Variants in HECW2 observed in about 807,000 individuals in gnomAD.
HECW2 encodes the protein E3 ubiquitin-protein ligase HECW2.
A neutral mutation model predicts 175.2 loss-of-function variants in HECW2; 61 were observed. The observed-to-expected ratio is 0.35, with a 90% confidence interval of 0.28 to 0.43. The LOEUF is 0.43. Among genes scored for constraint, HECW2 ranks in the 20% least tolerant of loss-of-function variants. The pLI, the probability that HECW2 is intolerant of heterozygous loss-of-function variation, is 1.00. For missense variants in HECW2, 1,524 were observed against 2,000.5 expected, an observed-to-expected ratio of 0.76 and a Z score of 4.54; for synonymous variants, 671 against 731.0, an observed-to-expected ratio of 0.92 and a Z score of 1.32.
intron 1 of HECW2, among the ~76,000 whole-genome samples, chr2:196,581,516 A>G (rs1690783899): frequency 1.3e-5 from 2 of 152,304 alleles, no homozygotes; most frequent in South Asian, 4.1e-4. Context: ...CCTGGACGAT[A>G]CAGTGAGACT....
chr2:196,584,398 G>T (rs1022816674), intron 1 of HECW2, among the ~76,000 whole-genome samples: 3 of 152,100 alleles, frequency 2.0e-5, no homozygotes, highest in Non-Finnish European at 4.4e-5. Context: ...TAAAAACACT[G>T]AAGAGATATT....
intron 1 of HECW2, among the ~76,000 whole-genome samples, chr2:196,538,147 T>C (rs1689082794): frequency 6.6e-6 from 1 of 152,154 alleles, no homozygotes; most frequent in South Asian, 2.1e-4. Context: ...CTTACAAAGA[T>C]TGCTCCCCTG....
At chr2:196,410,996 C>T (rs1695093792) in intron 2 of HECW2, among the ~76,000 whole-genome samples, 1 of 151,662 alleles carries the variant, frequency 6.6e-6, no homozygotes, top group South Asian at 2.1e-4. Context: ...GAGACAGGAG[C>T]TTTTTGTTTT....
At chr2:196,512,297 G>C (rs1020456860) in intron 1 of HECW2, among the ~76,000 whole-genome samples, 2 of 152,176 alleles carry the variant, frequency 1.3e-5, no homozygotes, top group Non-Finnish European at 2.9e-5. Flanking sequence ...GGCAAATAAA[G>C]CAAATTTGTG....
At chr2:196,569,366 CTAAACTAAAA>C (rs1690297750) in intron 1 of HECW2, among the ~76,000 whole-genome samples, 1 of 104,710 alleles carries the variant, frequency 9.6e-6, no homozygotes, top group Non-Finnish European at 1.9e-5. Flanking sequence ...CTAAACTAAA[CTAAACTAAAA>C]TAAAATAAAA....
chr2:196,368,657 A>G (rs1407697226), intron 2 of HECW2, among the ~76,000 whole-genome samples: 1 of 151,940 alleles, frequency 6.6e-6, no homozygotes, highest in Non-Finnish European at 1.5e-5. Context: ...GGCATGCTTC[A>G]TTCTTTTTTA....
chr2:196,464,044 T>C (rs1696849431), intron 1 of HECW2, among the ~76,000 whole-genome samples: 1 of 152,174 alleles, frequency 6.6e-6, no homozygotes, highest in East Asian at 1.9e-4. Context: ...TTTTTTTTTT[T>C]TCTGGAAATG....
At chr2:196,247,675 T>A (rs893151823) in intron 19 of HECW2, among the ~76,000 whole-genome samples, 1 of 152,228 alleles carries the variant, frequency 6.6e-6, no homozygotes, top group African/African-American at 2.4e-5. Flanking sequence ...CATATACTGT[T>A]ACAAAATTGC....
At chr2:196,268,003 A>T (rs1220777450) in intron 17 of HECW2, among the ~76,000 whole-genome samples, 1 of 152,230 alleles carries the variant, frequency 6.6e-6, no homozygotes. Context: ...GCTCCATTCC[A>T]TGTATAAATC....
intron 28 of HECW2, among the ~76,000 whole-genome samples, chr2:196,212,963 T>C (rs1687345071): frequency 6.6e-6 from 1 of 152,344 alleles, no homozygotes; most frequent in Non-Finnish European, 1.5e-5. Context: ...AGCTCTTCCA[T>C]TGTGCAACTT....
intron 13 of HECW2, among the ~76,000 whole-genome samples, chr2:196,293,987 T>C (rs1690707575): frequency 6.6e-6 from 1 of 152,214 alleles, no homozygotes; most frequent in African/African-American, 2.4e-5. Flanking sequence ...GTGAATGGAA[T>C]AGCAGGCTGA....
intron 2 of HECW2, among the ~76,000 whole-genome samples, chr2:196,367,278 T>C (rs902094144): frequency 6.6e-6 from 1 of 152,232 alleles, no homozygotes; most frequent in Non-Finnish European, 1.5e-5. Flanking sequence ...TCAGACTCCA[T>C]AGAGCAAATT....
chr2:196,531,756 T>C (rs906617887), intron 1 of HECW2, among the ~76,000 whole-genome samples: 4 of 152,146 alleles, frequency 2.6e-5, no homozygotes, highest in Non-Finnish European at 5.9e-5. Context: ...TCAGAATACT[T>C]TACCACCTCT....
chr2:196,244,738 C>T (rs1688586356), intron 19 of HECW2, among the ~76,000 whole-genome samples: 1 of 152,208 alleles, frequency 6.6e-6, no homozygotes, highest in Non-Finnish European at 1.5e-5. Flanking sequence ...ACAGCAGCAA[C>T]AGCTGGCATG....
intron 1 of HECW2, among the ~76,000 whole-genome samples, chr2:196,515,025 G>A (rs1391045241): frequency 1.3e-5 from 2 of 152,224 alleles, no homozygotes; most frequent in African/African-American, 4.8e-5. Context: ...AGCCAGGGCT[G>A]TGACACCCTC....
chr2:196,421,143 T>A (rs181493282), intron 2 of HECW2, among the ~76,000 whole-genome samples: 2 of 152,056 alleles, frequency 1.3e-5, no homozygotes. Flanking sequence ...ATCATTTCCA[T>A]TGAGGGTATA....
chr2:196,336,184 C>G (rs1692544375), intron 3 of HECW2, among the ~76,000 whole-genome samples: 2 of 152,172 alleles, frequency 1.3e-5, no homozygotes, highest in Non-Finnish European at 2.9e-5. Flanking sequence ...TATTACTTTG[C>G]CTCCCTGAGA....
intron 1 of HECW2, among the ~76,000 whole-genome samples, chr2:196,510,297 C>T (rs976245910): frequency 1.1e-4 from 17 of 152,172 alleles, no homozygotes; most frequent in African/African-American, 3.6e-4. Flanking sequence ...CCTAGAACTA[C>T]TACATCAGGC....
At chr2:196,206,573 C>T (rs1687074079) in intron 28 of HECW2, among the ~76,000 whole-genome samples, 1 of 152,224 alleles carries the variant, frequency 6.6e-6, no homozygotes, top group Non-Finnish European at 1.5e-5. Flanking sequence ...CCTTCACTCG[C>T]TGAATAAGTA....
Sources: gnomAD v4.1 joint callset for allele counts (sites outside exome capture counted in the v4.1 genomes callset) on GRCh38, gnomAD v4.1.1 for gene constraint, MANE v1.5 for transcripts, NCBI Gene and HGNC (gene_info 2026-07-23, HGNC 2026-07-21) for gene names.